PIP5K1B: variants seen among roughly 807,000 people sequenced by gnomAD.
The protein encoded by PIP5K1B is phosphatidylinositol-4-phosphate 5-kinase type 1 beta, also known as phosphatidylinositol 4-phosphate 5-kinase type-1 beta.
Under a neutral mutation model 67.0 loss-of-function variants are expected in PIP5K1B, and 42 were observed. That is an observed-to-expected ratio of 0.63 (90% CI 0.49 to 0.81). The LOEUF (loss-of-function observed/expected upper bound fraction) is 0.81. Ranked by LOEUF, PIP5K1B falls within the 30% of genes least tolerant of loss-of-function variation. The probability of loss-of-function intolerance (pLI) is 0.00; values close to 1 mark genes in which losing one functional copy is unlikely to be tolerated. For synonymous variants in PIP5K1B, 214 were observed against 231.4 expected, an observed-to-expected ratio of 0.92 and a Z score of 0.68; for missense variants, 459 against 646.3, an observed-to-expected ratio of 0.71 and a Z score of 3.14.
intron 1 of PIP5K1B, among the ~76,000 whole-genome samples, chr9:68,735,038 A>G (rs1033451281): frequency 5.9e-5 from 9 of 152,180 alleles, no homozygotes; most frequent in African/African-American, 1.4e-4. Context: ...TTTAACACCA[A>G]CCATTAAGAA....
chr9:68,991,230 C>A lies in PIP5K1B; in HGVS notation c.1593C>A (p.Asp531Glu). Residue 531 changes from aspartate to glutamate, a missense_variant, in exon 15 of 16, where the codon GAC becomes GAA. Physicochemically the swap from Asp to Glu is conservative, Grantham distance 45. Coordinates refer to ENST00000265382, the MANE Select transcript of PIP5K1B (RefSeq NM_003558.4). The part of the protein sequence containing the change: ...AEPNTLEVQD[D>E]NASVLDVYL ...CCAACACTCTGGAAGTGCAGGATGA[C>A]AATGCTTCTGTGCTTGACGTCTATT... 1 of 1,605,118 alleles carries A rather than the reference C, an allele frequency of 6.2e-7. No individual in the cohort carries two copies. The highest frequency in any genetic ancestry group is 8.5e-7 in the Non-Finnish European group (1 of 1,171,740).
intron 1 of PIP5K1B, among the ~76,000 whole-genome samples, chr9:68,733,062 A>C (rs1427511486): frequency 1.3e-5 from 2 of 152,156 alleles, no homozygotes; most frequent in East Asian, 1.9e-4. Context: ...TATTTGATCT[A>C]GGTGTGGGCC....
At chr9:68,824,522 G>T (rs1833886909) in intron 4 of PIP5K1B, among the ~76,000 whole-genome samples, 2 of 152,132 alleles carry the variant, frequency 1.3e-5, no homozygotes, top group Admixed American at 1.3e-4. Flanking sequence ...AAGGGGACCA[G>T]AAATTTTTTT....
rs1161108903 is a variant in PIP5K1B, at chr9:68,934,941, A to G, written c.1253A>G (p.Lys418Arg). The G allele has an allele frequency of 3.7e-6, 6 of 1,613,328 alleles. No homozygotes were observed. The highest frequency in any genetic ancestry group is 5.1e-6 in the Non-Finnish European group (6 of 1,179,520). The change falls in exon 13 of 16, where the codon AAG becomes AGG. Residue 418 changes from lysine to arginine, a missense_variant. Physicochemically the swap from Lys to Arg is conservative, Grantham distance 26. Coordinates refer to ENST00000265382, the MANE Select transcript of PIP5K1B (RefSeq NM_003558.4). Reference protein sequence around the residue: ...KKRCNSIAALKATSQEIVSSI... With the variant: ...KKRCNSIAALRATSQEIVSSI... ...CGGTGCAATTCAATCGCCGCCCTAA[A>G]GGCCACTTCACAGGAGATTGTGTCC...
At chr9:68,789,560 T>C (rs2132491511) in intron 2 of PIP5K1B, 1 of 490,016 alleles carries the variant, frequency 2.0e-6, no homozygotes, top group Admixed American at 2.2e-5. Flanking sequence ...CAGTAGCTTG[T>C]TCTTGCACCT....
At chr9:68,734,286 G>T (rs114495270) in intron 1 of PIP5K1B, among the ~76,000 whole-genome samples, 1 of 152,172 alleles carries the variant, frequency 6.6e-6, no homozygotes, top group Admixed American at 6.5e-5. Context: ...GAGGAAATAC[G>T]CATGTGAGAC....
intron 2 of PIP5K1B, among the ~76,000 whole-genome samples, chr9:68,811,495 G>C (rs1219752483): frequency 1.3e-5 from 2 of 152,092 alleles, no homozygotes; most frequent in African/African-American, 4.8e-5. Context: ...GTGTGTCTTA[G>C]GTGGCATCTC....
chr9:68,845,065 G>T (rs11143988), intron 4 of PIP5K1B, among the ~76,000 whole-genome samples: 1 of 152,082 alleles, frequency 6.6e-6, no homozygotes, highest in Non-Finnish European at 1.5e-5. Context: ...GTCGTATATC[G>T]TGTAGAATTT....
chr9:68,718,907 C>T (rs922272793), intron 1 of PIP5K1B, among the ~76,000 whole-genome samples: 2 of 152,024 alleles, frequency 1.3e-5, no homozygotes, highest in African/African-American at 4.8e-5. Context: ...TATTGAAAGT[C>T]CATTGTGATT....
chr9:68,728,122 C>T (rs1377440394), intron 1 of PIP5K1B, among the ~76,000 whole-genome samples: 1 of 152,164 alleles, frequency 6.6e-6, no homozygotes, highest in Non-Finnish European at 1.5e-5. Context: ...GAGAGAAGTC[C>T]TCTCTAAAGA....
intron 14 of PIP5K1B, among the ~76,000 whole-genome samples, chr9:68,957,098 C>T (rs138591496): frequency 2.8e-4 from 43 of 152,300 alleles, no homozygotes; most frequent in African/African-American, 1.0e-3. Flanking sequence ...CAGGTTCTTT[C>T]CATCTTTCTG....
chr9:68,994,775 G>T (rs1301422593), intron 15 of PIP5K1B, among the ~76,000 whole-genome samples: 7 of 152,162 alleles, frequency 4.6e-5, no homozygotes, highest in Non-Finnish European at 1.0e-4. Flanking sequence ...CCTGGAGTCT[G>T]TGCTGGTCTC....
intron 15 of PIP5K1B, among the ~76,000 whole-genome samples, chr9:69,007,178 C>T (rs774272063): frequency 7.9e-5 from 12 of 152,180 alleles, no homozygotes; most frequent in Non-Finnish European, 1.0e-4. Context: ...TTACAGTGCA[C>T]AATAGTCTCA....
intron 3 of PIP5K1B, among the ~76,000 whole-genome samples, chr9:68,821,863 A>G (rs1833747663): frequency 6.6e-6 from 1 of 152,248 alleles, no homozygotes; most frequent in Non-Finnish European, 1.5e-5. Context: ...AGTGGTGTCC[A>G]CACAGTGGTA....
At chr9:68,778,681 A>G (rs578120948) in intron 2 of PIP5K1B, among the ~76,000 whole-genome samples, 21 of 152,188 alleles carry the variant, frequency 1.4e-4, no homozygotes, top group Non-Finnish European at 2.8e-4. Flanking sequence ...TTTTCCACAG[A>G]GCCTAAGTGA....
intron 14 of PIP5K1B, among the ~76,000 whole-genome samples, chr9:68,952,593 A>G (rs896994619): frequency 3.3e-5 from 5 of 152,182 alleles, no homozygotes; most frequent in African/African-American, 1.2e-4. Flanking sequence ...GAGATCTTGC[A>G]TGTCTTAAGT....
chr9:68,831,719 A>T (rs1212597007), intron 4 of PIP5K1B, among the ~76,000 whole-genome samples: 1 of 152,088 alleles, frequency 6.6e-6, no homozygotes, highest in Non-Finnish European at 1.5e-5. Context: ...CTTGTTGCCC[A>T]GGCTGGAGTG....
intron 1 of PIP5K1B, among the ~76,000 whole-genome samples, chr9:68,724,612 A>G (rs1368267684): frequency 6.6e-6 from 1 of 151,870 alleles, no homozygotes; most frequent in Non-Finnish European, 1.5e-5. Flanking sequence ...TCTTTCATCA[A>G]TGTTGTATAG....
At chr9:68,721,950 T>C (rs1827907621) in intron 1 of PIP5K1B, among the ~76,000 whole-genome samples, 1 of 152,168 alleles carries the variant, frequency 6.6e-6, no homozygotes, top group Non-Finnish European at 1.5e-5. Context: ...ATTTTCATGA[T>C]AGCATGTACA....
Sources: allele counts gnomAD v4.1 joint callset (sites outside exome capture counted in the v4.1 genomes callset), GRCh38; gene constraint gnomAD v4.1.1; transcripts MANE v1.5; gene names NCBI Gene and HGNC (gene_info 2026-07-23, HGNC 2026-07-21).